AGBL1: variants seen among roughly 807,000 people sequenced by gnomAD.
AGBL1 encodes the protein AGBL carboxypeptidase 1, also known as cytosolic carboxypeptidase 4.
In AGBL1, 130 loss-of-function variants were observed where a neutral mutation model predicts 118.9. The ratio of observed to expected loss-of-function variants is 1.09; its 90% CI spans 0.95 to 1.26. The LOEUF (loss-of-function observed/expected upper bound fraction) is 1.26. Among genes scored for constraint, AGBL1 ranks in the 50% most tolerant of loss-of-function variants. AGBL1 has a pLI of 0.00. For missense variants in AGBL1, 1,584 were observed against 1,298.1 expected, an observed-to-expected ratio of 1.22 and a Z score of -3.38; for synonymous variants, 555 against 478.9, an observed-to-expected ratio of 1.16 and a Z score of -2.08.
At chr15:86,806,114 C>T (rs2078710633) in intron 22 of AGBL1, among the ~76,000 whole-genome samples, 1 of 152,108 alleles carries the variant, frequency 6.6e-6, no homozygotes, top group African/African-American at 2.4e-5. Context: ...GGTGGGAGGC[C>T]TCCAGAACAC....
intron 22 of AGBL1, among the ~76,000 whole-genome samples, chr15:86,869,776 A>G (rs2079692860): frequency 6.6e-6 from 1 of 152,168 alleles, no homozygotes; most frequent in African/African-American, 2.4e-5. Context: ...TTGGCTAAGT[A>G]CTTCACATAC....
chr15:86,667,711 C>T (rs374042029), intron 21 of AGBL1, among the ~76,000 whole-genome samples: 5 of 151,966 alleles, frequency 3.3e-5, no homozygotes, highest in Middle Eastern at 3.2e-3. Flanking sequence ...TTTCCTTCTT[C>T]TTGGCTTCTG....
chr15:86,339,393 T>C (rs1357943092), intron 17 of AGBL1, among the ~76,000 whole-genome samples: 2 of 152,214 alleles, frequency 1.3e-5, no homozygotes, highest in Non-Finnish European at 2.9e-5. Flanking sequence ...TCGCGAAATT[T>C]GGCAAGTTTT....
At chr15:86,237,048 A>T (rs35954253) in intron 6 of AGBL1, among the ~76,000 whole-genome samples, 1 of 149,918 alleles carries the variant, frequency 6.7e-6, no homozygotes, top group Non-Finnish European at 1.5e-5. Flanking sequence ...TTAATGGCCC[A>T]CATTTGCATA....
chr15:86,932,416 G>A (rs1038513573), intron 23 of AGBL1, among the ~76,000 whole-genome samples: 1 of 152,140 alleles, frequency 6.6e-6, no homozygotes, highest in Non-Finnish European at 1.5e-5. Context: ...GTTCTAAAAT[G>A]GACTGCTGTG....
intron 14 of AGBL1, among the ~76,000 whole-genome samples, chr15:86,270,577 A>C (rs2079144244): frequency 1.3e-5 from 2 of 152,196 alleles, no homozygotes; most frequent in South Asian, 4.1e-4. Flanking sequence ...TGAGGAATGG[A>C]AATTCTGCAT....
chr15:86,849,271 G>T (rs528064083), intron 22 of AGBL1, among the ~76,000 whole-genome samples: 50 of 152,328 alleles, frequency 3.3e-4, no homozygotes, highest in African/African-American at 1.2e-3. Flanking sequence ...TCAGCAAATT[G>T]CAAGTCCCTC....
intron 1 of AGBL1, among the ~76,000 whole-genome samples, chr15:86,087,383 C>A (rs1339205405): frequency 6.7e-6 from 1 of 149,460 alleles, no homozygotes; most frequent in Admixed American, 6.7e-5. Flanking sequence ...GGCTGGAGTG[C>A]AGTGGCACGA....
intron 22 of AGBL1, among the ~76,000 whole-genome samples, chr15:86,839,243 A>G (rs190312294): frequency 1.4e-3 from 212 of 152,332 alleles, no homozygotes; most frequent in African/African-American, 5.1e-3. Flanking sequence ...TGTTCTCTGA[A>G]AAGCCATGAA....
chr15:86,552,601 G>A (rs764149131), intron 20 of AGBL1, among the ~76,000 whole-genome samples: 7 of 152,144 alleles, frequency 4.6e-5, no homozygotes, highest in Admixed American at 2.6e-4. Context: ...CATACTGCTC[G>A]ATGTGTAGGG....
intron 18 of AGBL1, among the ~76,000 whole-genome samples, chr15:86,493,014 C>A (rs185859370): frequency 1.3e-5 from 2 of 152,028 alleles, no homozygotes; most frequent in Non-Finnish European, 2.9e-5. Flanking sequence ...GCCAACATGG[C>A]GAAACCTCAC....
intron 24 of AGBL1, among the ~76,000 whole-genome samples, chr15:87,004,525 G>A (rs566008613): frequency 6.6e-6 from 1 of 151,392 alleles, no homozygotes; most frequent in Admixed American, 6.6e-5. Context: ...GCCTTTTTTT[G>A]TTTTCCATTT....
chr15:86,681,369 T>G (rs553801485), intron 22 of AGBL1, among the ~76,000 whole-genome samples: 5 of 152,314 alleles, frequency 3.3e-5, no homozygotes, highest in African/African-American at 1.2e-4. Flanking sequence ...CAGCTCACTT[T>G]CCATTTGGAT....
chr15:86,852,259 A>T (rs1233350995), intron 22 of AGBL1, among the ~76,000 whole-genome samples: 1 of 152,156 alleles, frequency 6.6e-6, no homozygotes, highest in East Asian at 1.9e-4. Flanking sequence ...AGACACTTAT[A>T]AAACCATCAG....
At chr15:86,619,685 G>A (rs2084777998) in intron 21 of AGBL1, among the ~76,000 whole-genome samples, 1 of 152,096 alleles carries the variant, frequency 6.6e-6, no homozygotes, top group African/African-American at 2.4e-5. Context: ...GGCCACAGTG[G>A]CCATTAAAGG....
At chr15:86,154,403 C>G (rs753183150) in intron 3 of AGBL1, 27 bp from the exon 4 acceptor site, 3 of 1,606,424 alleles carry the variant, frequency 1.9e-6, no homozygotes, top group Admixed American at 1.7e-5. Context: ...TGAAGTGCAA[C>G]TAAGATAGAT....
chr15:86,897,351 T>C (rs1207032447), intron 22 of AGBL1, among the ~76,000 whole-genome samples: 1 of 152,190 alleles, frequency 6.6e-6, no homozygotes, highest in Non-Finnish European at 1.5e-5. Context: ...TTCTTATTTC[T>C]AGTGTATATG....
chr15:86,303,324 A>G (rs567491431), intron 17 of AGBL1, among the ~76,000 whole-genome samples: 1 of 152,150 alleles, frequency 6.6e-6, no homozygotes, highest in Non-Finnish European at 1.5e-5. Flanking sequence ...TGAGGTTTCA[A>G]AGGAAGATAG....
At chr15:86,735,655 G>GTATATAT (rs2077584274) in intron 22 of AGBL1, among the ~76,000 whole-genome samples, 3 of 146,744 alleles carry the variant, frequency 2.0e-5, no homozygotes, top group Non-Finnish European at 4.5e-5. Context: ...TACAAAGAGA[G>GTATATAT]ATATATATAT....
Sources: gnomAD v4.1 joint callset for allele counts (sites outside exome capture counted in the v4.1 genomes callset) on GRCh38, gnomAD v4.1.1 for gene constraint, MANE v1.5 for transcripts, NCBI Gene and HGNC (gene_info 2026-07-23, HGNC 2026-07-21) for gene names.